The following DMXL2 variants were observed in gnomAD, a reference collection of about 807,000 sequenced individuals.
The protein encoded by DMXL2 is Dmx like 2.
In DMXL2, 103 loss-of-function variants were observed where a neutral mutation model predicts 331.1. That is an observed-to-expected ratio of 0.31 (90% CI 0.27 to 0.37). The LOEUF is 0.37. DMXL2 is among the 10% of genes least tolerant of loss of function. The pLI, the probability that DMXL2 is intolerant of heterozygous loss-of-function variation, is 1.00. For synonymous variants in DMXL2, 1,281 were observed against 1,252.1 expected (o/e 1.02, Z -0.49); for missense variants, 3,171 against 3,642.9 (o/e 0.87, Z 3.33).
chr15:51,503,187 A>G (rs1309132719), intron 16 of DMXL2, among the ~76,000 whole-genome samples, 154 bp from the exon 17 acceptor site: 1 of 152,200 alleles, frequency 6.6e-6, no homozygotes, highest in Admixed American at 6.5e-5. Context: ...TTTAAAACAG[A>G]ATGACCATAT....
intron 1 of DMXL2, among the ~76,000 whole-genome samples, chr15:51,608,534 G>A (rs2053748166): frequency 6.6e-6 from 1 of 152,144 alleles, no homozygotes; most frequent in African/African-American, 2.4e-5. Flanking sequence ...TTTATAAGTG[G>A]AAGCTAAACA....
rs2048363133 is a variant in DMXL2 at position 51,537,763 on chromosome 15, A to C, written c.1346-4T>G. ...GATTCTCTATCCAGGGATAAATCTG[A>C]ACCAGAAAATATATTTATCAATACA... On this transcript the variant is annotated splice_region_variant and splice_polypyrimidine_tract_variant and intron_variant, in intron 10 of 43. Transcript: ENST00000560891. 7 of 1,608,876 alleles carry C rather than the reference A, an allele frequency of 4.4e-6. No homozygotes were observed. Among genetic ancestry groups the C allele is most frequent in the Non-Finnish European group, 2.5e-6 (3 of 1,177,038 alleles).
intron 39 of DMXL2, among the ~76,000 whole-genome samples, chr15:51,455,456 T>C (rs2039540969): frequency 6.6e-6 from 1 of 152,130 alleles, no homozygotes; most frequent in Non-Finnish European, 1.5e-5. Flanking sequence ...TGGAGTGCAG[T>C]AGTGCAATTA....
At position 51,550,618 on chromosome 15, in the gene DMXL2, GAAGAA is replaced by G. The variant is rs976162195; in HGVS notation, c.568-3215_568-3211del. Among the ~76,000 whole-genome samples, 502 of 152,040 alleles carry G rather than the reference GAAGAA, an allele frequency of 3.3e-3. 4 individuals are homozygous for G. The highest frequency in any genetic ancestry group is 0.011 in the African/African-American group (470 of 41,492). ...AAAGAAAAGATAAATTCCATTTTTT[GAAGAA>G]AACAGGATACTTTAAATTACTTGCA... On this transcript the variant is annotated intron_variant, in intron 6 of 43. Coordinates refer to ENST00000560891, the MANE Select transcript of DMXL2 (RefSeq NM_001378457.1).
At position 51,464,774 on chromosome 15, in the gene DMXL2, G is replaced by C. The variant is rs200591092; in HGVS notation, c.7709C>G (p.Pro2570Arg). The change falls in exon 32 of 44, where the codon CCT becomes CGT. Residue 2570 changes from proline to arginine, a missense_variant. Pro to Arg is a moderately radical substitution (Grantham distance 103). Coordinates refer to ENST00000560891, the MANE Select transcript of DMXL2 (RefSeq NM_001378457.1). Reference protein sequence around the residue: ...EKMDQFEGPPPNYINTYPTDL... With the variant: ...EKMDQFEGPPRNYINTYPTDL... ...AGTTGGATATGTGTTGATATAGTTA[G>C]GGGGTGGACCTTCAAACTGATCCAT... 95 of 1,614,012 alleles carry C rather than the reference G, an allele frequency of 5.9e-5. No individual in the cohort carries two copies. The highest frequency in any genetic ancestry group is 8.0e-5 in the Non-Finnish European group (94 of 1,180,000).
chr15:51,553,507 G>A (rs2049351393), intron 6 of DMXL2, among the ~76,000 whole-genome samples: 1 of 152,014 alleles, frequency 6.6e-6, no homozygotes, highest in Non-Finnish European at 1.5e-5. Context: ...ATATGTTAAA[G>A]TACAGTTGAC....
chr15:51,617,722 C>A (rs757373750), intron 1 of DMXL2, among the ~76,000 whole-genome samples: 1 of 152,160 alleles, frequency 6.6e-6, no homozygotes, highest in Non-Finnish European at 1.5e-5. Flanking sequence ...TTAAGAACTT[C>A]TTTTACAGAT....
chr15:51,555,496 C>T (rs1316217738), intron 6 of DMXL2, among the ~76,000 whole-genome samples: 1 of 152,026 alleles, frequency 6.6e-6, no homozygotes, highest in African/African-American at 2.4e-5. Flanking sequence ...CTGGGCACTC[C>T]AACATTTAAA....
intron 2 of DMXL2, among the ~76,000 whole-genome samples, chr15:51,572,793 A>G (rs536102851): frequency 1.6e-4 from 24 of 152,338 alleles, no homozygotes; most frequent in Admixed American, 3.9e-4. Flanking sequence ...TCTCAAAATA[A>G]TAAGAGCTAT....
At chr15:51,550,691 A>G (rs1170914388) in intron 6 of DMXL2, among the ~76,000 whole-genome samples, 1 of 152,162 alleles carries the variant, frequency 6.6e-6, no homozygotes, top group Admixed American at 6.6e-5. Context: ...AAATGTTCCA[A>G]TACAAACTTT....
intron 1 of DMXL2, among the ~76,000 whole-genome samples, chr15:51,585,543 A>T (rs1412995177): frequency 6.6e-6 from 1 of 152,062 alleles, no homozygotes; most frequent in Non-Finnish European, 1.5e-5. Context: ...TGTATAGATG[A>T]TATATGCGTA....
At chr15:51,615,619 C>T (rs969414272) in intron 1 of DMXL2, among the ~76,000 whole-genome samples, 36 of 152,300 alleles carry the variant, frequency 2.4e-4, no homozygotes, top group African/African-American at 8.7e-4. Flanking sequence ...AATTTAGAAC[C>T]TAAATGGAGG....
intron 23 of DMXL2, among the ~76,000 whole-genome samples, chr15:51,485,754 G>T (rs759565019): frequency 2.6e-5 from 4 of 151,930 alleles, no homozygotes; most frequent in Non-Finnish European, 4.4e-5. Context: ...TACCACAGAG[G>T]CATAAAGTTT....
chr15:51,488,728 T>C (rs1209553820), intron 20 of DMXL2, 83 bp from the exon 21 acceptor site: 1 of 1,196,806 alleles, frequency 8.4e-7, no homozygotes, highest in African/African-American at 1.6e-5. Flanking sequence ...CCCCTGCTAC[T>C]TCCATGGCTG....
In DMXL2 at chr15:51,450,285, T is replaced by C; in HGVS notation, c.8811A>G (p.Leu2937=). The change falls in exon 43 of 44, where the codon CTA becomes CTG. Residue 2937 remains leucine (L), a synonymous_variant. Transcript: ENST00000560891. ...CGTGTCCTTTCCTACCCCCCGAGATTAGGAGTTGCTGTTTGGGTGCATACT... is the reference window on the plus strand; with the variant it reads ...CGTGTCCTTTCCTACCCCCCGAGATCAGGAGTTGCTGTTTGGGTGCATACT... ...VLQYAPKQQL[L]ISGGRKGHVC... is the part of the protein sequence containing the mutation. The C allele has an allele frequency of 1.2e-6, 2 of 1,613,722 alleles. No homozygotes were observed. The highest frequency in any genetic ancestry group is 1.7e-6 in the Non-Finnish European group (2 of 1,179,872).
intron 2 of DMXL2, 90 bp downstream of exon 2, chr15:51,575,966 T>C: frequency 6.8e-6 from 9 of 1,319,504 alleles, no homozygotes; most frequent in Non-Finnish European, 9.5e-6. Context: ...TAAGAAATTA[T>C]ACGCAAGCTT....
intron 22 of DMXL2, among the ~76,000 whole-genome samples, chr15:51,487,485 T>A (rs1345261257): frequency 1.3e-5 from 2 of 151,506 alleles, no homozygotes; most frequent in Admixed American, 1.3e-4. Context: ...TGAGATGGAG[T>A]CTCACTCTGT....
chr15:51,486,544 A>C (rs1373984811), intron 22 of DMXL2, among the ~76,000 whole-genome samples: 1 of 152,160 alleles, frequency 6.6e-6, no homozygotes, highest in Non-Finnish European at 1.5e-5. Flanking sequence ...AACTAGACAG[A>C]TCATTTATAA....
chr15:51,459,947 T>C (rs2039975133), intron 33 of DMXL2: 1 of 984,200 alleles, frequency 1.0e-6, no homozygotes, highest in African/African-American at 1.7e-5. Context: ...CTAAGTTACA[T>C]AACTGGTAAT....
Sources: allele counts gnomAD v4.1 joint callset (sites outside exome capture counted in the v4.1 genomes callset), GRCh38; gene constraint gnomAD v4.1.1; transcripts MANE v1.5; gene names NCBI Gene and HGNC (gene_info 2026-07-23, HGNC 2026-07-21).